TAFA1: variants seen among roughly 807,000 people sequenced by gnomAD.
TAFA1 encodes the protein chemokine-like protein TAFA-1.
TAFA1 carries 4 observed loss-of-function variants against 18.5 expected under a neutral mutation model. That is an observed-to-expected ratio of 0.22 (90% CI 0.11 to 0.49). The LOEUF is 0.49. Among genes scored for constraint, TAFA1 ranks in the 20% least tolerant of loss-of-function variants. The probability of loss-of-function intolerance (pLI) is 0.98; values close to 1 mark genes in which losing one functional copy is unlikely to be tolerated. For synonymous variants in TAFA1, 56 were observed against 55.2 expected (o/e 1.01, Z -0.06); for missense variants, 147 against 169.0 (o/e 0.87, Z 0.72).
At chr3:68,177,250 C>G (rs771286507) in intron 2 of TAFA1, among the ~76,000 whole-genome samples, 1 of 152,128 alleles carries the variant, frequency 6.6e-6, no homozygotes, top group Non-Finnish European at 1.5e-5. Flanking sequence ...GGCATGCTCC[C>G]TCGAATTTGC....
chr3:68,432,847 G>T (rs1024708820), intron 3 of TAFA1, among the ~76,000 whole-genome samples: 2 of 151,816 alleles, frequency 1.3e-5, no homozygotes, highest in African/African-American at 4.8e-5. Flanking sequence ...ACTGAAGATG[G>T]GGCACATTAG....
chr3:68,417,225 C>T (rs575012830), intron 2 of TAFA1, 55 bp from the exon 3 acceptor site: 26 of 1,539,946 alleles, frequency 1.7e-5, no homozygotes, highest in Middle Eastern at 2.0e-4. Context: ...CCCAGGGGCT[C>T]GAATAGTCAC....
At chr3:68,207,762 A>G (rs2066544610) in intron 2 of TAFA1, among the ~76,000 whole-genome samples, 2 of 151,974 alleles carry the variant, frequency 1.3e-5, no homozygotes, top group Non-Finnish European at 2.9e-5. Flanking sequence ...ATCCCTTACT[A>G]TATGTCAGGC....
At chr3:68,009,525 G>A (rs1401345623) in intron 2 of TAFA1, among the ~76,000 whole-genome samples, 1 of 152,132 alleles carries the variant, frequency 6.6e-6, no homozygotes, top group African/African-American at 2.4e-5. Context: ...GACCCCAAGT[G>A]CTAATACATC....
intron 3 of TAFA1, among the ~76,000 whole-genome samples, chr3:68,443,551 C>A (rs1181691543): frequency 6.6e-6 from 1 of 150,428 alleles, no homozygotes; most frequent in Non-Finnish European, 1.5e-5. Context: ...GGAAGCTTCA[C>A]AATCATGGTG....
intron 2 of TAFA1, among the ~76,000 whole-genome samples, chr3:68,067,324 T>C (rs975539276): frequency 6.6e-6 from 1 of 152,298 alleles, no homozygotes; most frequent in East Asian, 1.9e-4. Flanking sequence ...TCCTTCATCA[T>C]TTTTTCATTA....
chr3:68,297,681 G>GA (rs1441179960), intron 2 of TAFA1, among the ~76,000 whole-genome samples: 5 of 151,974 alleles, frequency 3.3e-5, no homozygotes, highest in Non-Finnish European at 4.4e-5. Flanking sequence ...TAATGAAGAG[G>GA]AAAGTTTACA....
intron 2 of TAFA1, among the ~76,000 whole-genome samples, chr3:68,118,141 C>G (rs2065345607): frequency 6.6e-6 from 1 of 152,082 alleles, no homozygotes; most frequent in South Asian, 2.1e-4. Context: ...AATAATTATA[C>G]AACTCACCAT....
chr3:67,995,656 T>G, the TAFA1 span, among the ~76,000 whole-genome samples: 1 of 152,124 alleles, frequency 6.6e-6, no homozygotes, highest in Non-Finnish European at 1.5e-5. Context: ...AGGGAAGGCG[T>G]ACTGTCAATA....
chr3:68,235,799 G>A (rs984487436), intron 2 of TAFA1, among the ~76,000 whole-genome samples: 1 of 152,058 alleles, frequency 6.6e-6, no homozygotes, highest in Non-Finnish European at 1.5e-5. Context: ...TGCAAACCTG[G>A]TGCTTCAGAG....
intron 2 of TAFA1, among the ~76,000 whole-genome samples, chr3:68,060,184 C>CTG (rs1007217157): frequency 7.4e-4 from 107 of 143,988 alleles, no homozygotes; most frequent in Middle Eastern, 3.6e-3. Flanking sequence ...ACCATTGCAA[C>CTG]TGTGTGTGTG....
intron 2 of TAFA1, among the ~76,000 whole-genome samples, chr3:68,096,743 G>T (rs2065091529): frequency 6.6e-6 from 1 of 152,072 alleles, no homozygotes; most frequent in Non-Finnish European, 1.5e-5. Flanking sequence ...GAAAGACATT[G>T]TCATTAACAT....
rs566598599 is a variant in TAFA1 at position 68,210,036 on chromosome 3, G to A, written c.118+203292G>A. ...ATTTTTTTCCCCTTTTTCCTGGCCC[G>A]GGTTTGTAATGAGCTTGTGTTTGAG... On this transcript the variant is annotated intron_variant, in intron 2 of 4. Coordinates refer to ENST00000478136, the MANE Select transcript of TAFA1 (RefSeq NM_213609.4). Among the ~76,000 whole-genome samples the A allele has an allele frequency of 1.8e-4, 27 of 151,880 alleles. 1 individual carries two copies. In the East Asian group the frequency reaches 3.3e-3, roughly 19 times the overall value.
intron 3 of TAFA1, among the ~76,000 whole-genome samples, chr3:68,463,193 T>C (rs187325715): frequency 6.6e-6 from 1 of 152,278 alleles, no homozygotes; most frequent in East Asian, 1.9e-4. Flanking sequence ...ATTGATAGAG[T>C]CAGCCAGTAA....
intron 2 of TAFA1, among the ~76,000 whole-genome samples, chr3:68,067,069 G>A (rs753510743): frequency 1.1e-4 from 17 of 152,182 alleles, no homozygotes; most frequent in East Asian, 3.9e-4. Flanking sequence ...GGTGACTGGC[G>A]TAGAGCCAGG....
intron 2 of TAFA1, among the ~76,000 whole-genome samples, chr3:68,045,488 C>A (rs1378929461): frequency 6.6e-6 from 1 of 152,122 alleles, no homozygotes; most frequent in African/African-American, 2.4e-5. Context: ...GAAATGTGGG[C>A]TCTTCTGCCT....
chr3:68,302,497 C>G (rs1434214099), intron 2 of TAFA1, among the ~76,000 whole-genome samples: 1 of 152,076 alleles, frequency 6.6e-6, no homozygotes, highest in Admixed American at 6.6e-5. Flanking sequence ...TGACAATGAA[C>G]TCCCCCAGCT....
intron 3 of TAFA1, among the ~76,000 whole-genome samples, chr3:68,531,258 G>A (rs1196903768): frequency 6.6e-6 from 1 of 152,162 alleles, no homozygotes; most frequent in Non-Finnish European, 1.5e-5. Flanking sequence ...TGCCTCCTCA[G>A]AAGAAAGAAT....
intron 3 of TAFA1, among the ~76,000 whole-genome samples, chr3:68,501,022 G>T (rs2072647998): frequency 6.6e-6 from 1 of 151,892 alleles, no homozygotes; most frequent in Admixed American, 6.6e-5. Flanking sequence ...AGGCATGGTG[G>T]CAAGCGCCTA....
Sources: allele counts gnomAD v4.1 joint callset (sites outside exome capture counted in the v4.1 genomes callset), GRCh38; gene constraint gnomAD v4.1.1; transcripts MANE v1.5; gene names NCBI Gene and HGNC (gene_info 2026-07-23, HGNC 2026-07-21).